The following ARHGAP10 variants were observed in gnomAD, a reference collection of about 807,000 sequenced individuals.
The protein encoded by ARHGAP10 is rho GTPase-activating protein 10.
Under a neutral mutation model 108.6 loss-of-function variants are expected in ARHGAP10, and 87 were observed. That is an observed-to-expected ratio of 0.80 (90% CI 0.67 to 0.96). The LOEUF (loss-of-function observed/expected upper bound fraction) is 0.96. Ranked by LOEUF, ARHGAP10 falls within the 40% of genes least tolerant of loss-of-function variation. ARHGAP10 has a pLI of 0.00. For missense variants in ARHGAP10, 939 were observed against 954.5 expected, an observed-to-expected ratio of 0.98 and a Z score of 0.21; for synonymous variants, 347 against 341.1, an observed-to-expected ratio of 1.02 and a Z score of -0.19.
At chr4:147,971,363 G>A (rs1427916496) in intron 18 of ARHGAP10, among the ~76,000 whole-genome samples, 1 of 152,172 alleles carries the variant, frequency 6.6e-6, no homozygotes, top group East Asian at 1.9e-4. Context: ...GGGAAGTAAA[G>A]ACAGTCCAGT....
intron 13 of ARHGAP10, chr4:147,916,583 C>G (rs533012554): frequency 1.4e-4 from 21 of 152,314 alleles, no homozygotes; most frequent in African/African-American, 5.1e-4. Context: ...AGATTATTCA[C>G]AGGACAAATA....
intron 12 of ARHGAP10, among the ~76,000 whole-genome samples, chr4:147,912,039 G>GTGTATA (rs1553962354): frequency 2.5e-5 from 3 of 121,762 alleles, no homozygotes; most frequent in African/African-American, 8.6e-5. Flanking sequence ...GTGTGTGTGT[G>GTGTATA]TATAGTTTTC....
intron 1 of ARHGAP10, among the ~76,000 whole-genome samples, chr4:147,737,397 C>T (rs1246613118): frequency 8.6e-5 from 13 of 151,404 alleles, no homozygotes; most frequent in East Asian, 7.8e-4. Flanking sequence ...TCATGTGATC[C>T]GTCCACCTCG....
At chr4:147,740,616 C>G (rs1027591727) in intron 1 of ARHGAP10, among the ~76,000 whole-genome samples, 7 of 152,148 alleles carry the variant, frequency 4.6e-5, no homozygotes, top group African/African-American at 1.7e-4. Flanking sequence ...ACAGTATAGA[C>G]ATTCCAAGGT....
intron 1 of ARHGAP10, among the ~76,000 whole-genome samples, chr4:147,798,724 A>AACTCTCTCT (rs1731419776): frequency 3.5e-5 from 3 of 85,988 alleles, no homozygotes; most frequent in African/African-American, 1.4e-4. Flanking sequence ...AGTTTGAGAC[A>AACTCTCTCT]CTCTCTCTCT....
At chr4:147,945,724 C>G (rs115554026) in intron 14 of ARHGAP10, among the ~76,000 whole-genome samples, 1 of 152,146 alleles carries the variant, frequency 6.6e-6, no homozygotes, top group Admixed American at 6.5e-5. Flanking sequence ...GTGCCACCCT[C>G]GGTTTTCTGT....
At chr4:147,780,265 C>G (rs899253162) in intron 1 of ARHGAP10, among the ~76,000 whole-genome samples, 1 of 152,136 alleles carries the variant, frequency 6.6e-6, no homozygotes, top group Non-Finnish European at 1.5e-5. Context: ...GTGTCTGGAT[C>G]AGGGCCGAGG....
intron 1 of ARHGAP10, among the ~76,000 whole-genome samples, chr4:147,738,336 G>T (rs1001977698): frequency 1.3e-5 from 2 of 152,076 alleles, no homozygotes; most frequent in Non-Finnish European, 2.9e-5. Context: ...CGGATCACGA[G>T]GTCAGGAGAT....
At chr4:147,866,149 T>C (rs1734548678) in intron 6 of ARHGAP10, 1 of 152,288 alleles carries the variant, frequency 6.6e-6, no homozygotes, top group Admixed American at 6.5e-5. Context: ...TTCTTTTTAC[T>C]TCTAGATTTA....
chr4:147,788,501 G>C (rs1470678877), intron 1 of ARHGAP10, among the ~76,000 whole-genome samples: 1 of 152,124 alleles, frequency 6.6e-6, no homozygotes, highest in Non-Finnish European at 1.5e-5. Flanking sequence ...AGGAAAACTT[G>C]TGAAAGCACT....
chr4:147,804,101 G>A (rs1204996057), intron 1 of ARHGAP10, among the ~76,000 whole-genome samples: 1 of 151,718 alleles, frequency 6.6e-6, no homozygotes, highest in Non-Finnish European at 1.5e-5. Flanking sequence ...TGTCATCCAG[G>A]TAATAAGCAT....
intron 20 of ARHGAP10, among the ~76,000 whole-genome samples, chr4:148,051,670 AG>A (rs1254896565): frequency 6.6e-6 from 1 of 152,166 alleles, no homozygotes; most frequent in Admixed American, 6.5e-5. Flanking sequence ...ACCCACTGAG[AG>A]GCTTGGCTTT....
At chr4:147,895,994 T>C (rs185061710) in intron 10 of ARHGAP10, among the ~76,000 whole-genome samples, 237 of 152,380 alleles carry the variant, frequency 1.6e-3, no homozygotes, top group Admixed American at 3.5e-3. Context: ...TCATTAAATA[T>C]GTTTCTTTAA....
chr4:148,067,668 C>G (rs1359144837), intron 22 of ARHGAP10, among the ~76,000 whole-genome samples: 1 of 152,242 alleles, frequency 6.6e-6, no homozygotes, highest in Non-Finnish European at 1.5e-5. Context: ...GTACCTCATA[C>G]AGGCAACAAA....
chr4:147,906,027 C>T (rs930780593), intron 10 of ARHGAP10, among the ~76,000 whole-genome samples: 3 of 152,108 alleles, frequency 2.0e-5, no homozygotes, highest in Admixed American at 6.5e-5. Context: ...TGATTTGGCT[C>T]TCTTTGTCTA....
At chr4:147,820,452 A>T (rs1732440170) in intron 1 of ARHGAP10, among the ~76,000 whole-genome samples, 1 of 151,216 alleles carries the variant, frequency 6.6e-6, no homozygotes, top group South Asian at 2.1e-4. Context: ...CGCCCGGCTA[A>T]TTTTTGTGTT....
intron 22 of ARHGAP10, among the ~76,000 whole-genome samples, chr4:148,069,569 G>T (rs75782353): frequency 4.6e-5 from 7 of 152,294 alleles, no homozygotes; most frequent in Non-Finnish European, 1.0e-4. Context: ...TATTAATACC[G>T]AGTCTGTGCT....
At chr4:148,065,784 G>C (rs991842636) in intron 22 of ARHGAP10, 5 of 152,236 alleles carry the variant, frequency 3.3e-5, no homozygotes, top group Non-Finnish European at 5.9e-5. Context: ...CTTGGTAGAA[G>C]GTGTATCTAC....
intron 1 of ARHGAP10, among the ~76,000 whole-genome samples, chr4:147,774,492 A>C (rs1185058): frequency 6.6e-6 from 1 of 152,196 alleles, no homozygotes; most frequent in African/African-American, 2.4e-5. Flanking sequence ...TTATATAAGG[A>C]CAATTTTGAA....
Sources: allele counts gnomAD v4.1 joint callset (sites outside exome capture counted in the v4.1 genomes callset), GRCh38; gene constraint gnomAD v4.1.1; transcripts MANE v1.5; gene names NCBI Gene and HGNC (gene_info 2026-07-23, HGNC 2026-07-21).